Variants in TCTN1 observed in about 807,000 individuals in gnomAD.
TCTN1 encodes tectonic-1.
A neutral mutation model predicts 65.8 loss-of-function variants in TCTN1; 58 were observed. The ratio of observed to expected loss-of-function variants is 0.88; its 90% confidence interval spans 0.71 to 1.10. The LOEUF is 1.10. Ranked by LOEUF, TCTN1 falls within the 50% of genes least tolerant of loss-of-function variation. The probability of loss-of-function intolerance (pLI) is 0.00; values close to 1 mark genes in which losing one functional copy is unlikely to be tolerated. For missense variants in TCTN1, 645 were observed against 719.4 expected, an observed-to-expected ratio of 0.90 and a Z score of 1.18; for synonymous variants, 273 against 289.1, an observed-to-expected ratio of 0.94 and a Z score of 0.57.
intron 10 of TCTN1, 172 bp from the exon 11 acceptor site, chr12:110,642,077 A>T: frequency 1.3e-6 from 1 of 763,806 alleles, no homozygotes; most frequent in Non-Finnish European, 2.1e-6. Context: ...TCCATTTATT[A>T]AGGAAAATAG....
At position 110,649,342 on chromosome 12, in the gene TCTN1, G is replaced by T; in HGVS notation, c.*301G>T. Reference sequence around the variant, plus strand: ...CTCACCAAGCGGCCCAGGAGGGGCAGCTGTTCCTCTCGTGACAGCACAGGC... The same window carrying T: ...CTCACCAAGCGGCCCAGGAGGGGCATCTGTTCCTCTCGTGACAGCACAGGC... On this transcript the variant is annotated 3_prime_UTR_variant, in exon 15 of 15. Coordinates refer to ENST00000397659, the MANE Select transcript of TCTN1 (RefSeq NM_001082538.3). 7.6e-7 allele frequency: 1 copy of T among 1,313,786 alleles called. No individual in the cohort carries two copies. Among genetic ancestry groups the T allele is most frequent in the Non-Finnish European group, 1.1e-6 (1 of 918,272 alleles). 81.4% of individuals were successfully genotyped at this position (1,313,786 alleles called of 1,614,324 possible). A position where few individuals can be genotyped will look rare whatever the true frequency, so the allele number is the denominator to read the frequency against.
intron 7 of TCTN1, 26 bp downstream of exon 7, chr12:110,636,527 A>C: frequency 8.1e-7 from 1 of 1,236,920 alleles, no homozygotes. Context: ...TATTTTTGTA[A>C]TAGAAAGTAG....
At chr12:110,641,807 G>A in intron 10 of TCTN1, 180 bp downstream of exon 10, 2 of 621,490 alleles carry the variant, frequency 3.2e-6, no homozygotes, top group Non-Finnish European at 2.8e-6. Flanking sequence ...AGGTGGGCTG[G>A]GGGGAGACTG....
chr12:110,641,735 G>C, intron 10 of TCTN1, 108 bp downstream of exon 10: 1 of 1,179,768 alleles, frequency 8.5e-7, no homozygotes, highest in South Asian at 1.2e-5. Flanking sequence ...GGGAAGGAGA[G>C]AGCAGTCCAG....
At chr12:110,615,701 C>T (rs1029623240) in intron 1 of TCTN1, among the ~76,000 whole-genome samples, 23 of 152,116 alleles carry the variant, frequency 1.5e-4, no homozygotes, top group African/African-American at 5.6e-4. Context: ...TCAGGCTGAT[C>T]TCAAACTCCT....
chr12:110,647,625 T>C, intron 13 of TCTN1, 124 bp from the exon 14 acceptor site: 1 of 1,454,316 alleles, frequency 6.9e-7, no homozygotes, highest in East Asian at 2.3e-5. Flanking sequence ...CAATTAGTGC[T>C]CCAGGACCTA....
intron 1 of TCTN1, among the ~76,000 whole-genome samples, chr12:110,615,459 T>G (rs1203633275): frequency 6.6e-6 from 1 of 152,150 alleles, no homozygotes; most frequent in East Asian, 1.9e-4. Flanking sequence ...CCAATAGATA[T>G]GCAGTACTTT....
At chr12:110,647,075 TAG>T in intron 12 of TCTN1, 119 bp from the exon 13 acceptor site, 1 of 1,185,048 alleles carries the variant, frequency 8.4e-7, no homozygotes, top group Non-Finnish European at 1.2e-6. Context: ...TCTGAACTTG[TAG>T]AGTCTATTCA....
At chr12:110,645,848 C>G (rs888728298) in intron 12 of TCTN1, 1 of 152,994 alleles carries the variant, frequency 6.5e-6, no homozygotes, top group Admixed American at 6.5e-5. Context: ...TCTCATTATC[C>G]GCTCCGAATA....
intron 12 of TCTN1, 155 bp from the exon 13 acceptor site, chr12:110,647,041 C>T (rs929151767): frequency 2.0e-5 from 17 of 846,328 alleles, no homozygotes; most frequent in Non-Finnish European, 2.8e-5. Context: ...CTTTAAAACA[C>T]GTATATTCTC....
chr12:110,628,967 C>T, intron 4 of TCTN1, 49 bp downstream of exon 4: 2 of 1,607,202 alleles, frequency 1.2e-6, no homozygotes, highest in Non-Finnish European at 1.7e-6. Context: ...AAATATCTTT[C>T]CTTGTAAGTT....
intron 2 of TCTN1, among the ~76,000 whole-genome samples, chr12:110,624,211 T>C (rs2065662541): frequency 6.6e-6 from 1 of 151,434 alleles, no homozygotes; most frequent in African/African-American, 2.4e-5. Context: ...CGTGAGCCAC[T>C]GTGCCCAGCC....
At chr12:110,637,791 G>T (rs994252049) in intron 7 of TCTN1, among the ~76,000 whole-genome samples, 3 of 152,204 alleles carry the variant, frequency 2.0e-5, no homozygotes, top group Non-Finnish European at 4.4e-5. Flanking sequence ...AACTGGAACC[G>T]TCTGTGGGGG....
chr12:110,619,290 G>A (rs984987121), intron 1 of TCTN1, among the ~76,000 whole-genome samples: 2 of 152,114 alleles, frequency 1.3e-5, no homozygotes, highest in African/African-American at 4.8e-5. Context: ...CACCTGAGCC[G>A]GTATGATTCT....
At chr12:110,633,743 C>T (rs117252984) in intron 5 of TCTN1, among the ~76,000 whole-genome samples, 2,816 of 152,126 alleles carry the variant, frequency 0.019, 42 homozygotes, top group Non-Finnish European at 0.028. Context: ...ATTGGCAAAA[C>T]TCAAAAAAAC....
chr12:110,636,088 G>A (rs932829267), intron 6 of TCTN1: 3 of 224,512 alleles, frequency 1.3e-5, no homozygotes, highest in East Asian at 2.2e-4. Context: ...TGTGGAAATC[G>A]CCTGGGCAAG....
At chr12:110,646,897 G>A (rs1173765921) in intron 12 of TCTN1, 1 of 407,296 alleles carries the variant, frequency 2.5e-6, no homozygotes, top group South Asian at 2.2e-5. Context: ...AGTTAGAGCA[G>A]TTATGGCCCT....
intron 1 of TCTN1, among the ~76,000 whole-genome samples, chr12:110,618,832 A>G (rs1449264124): frequency 1.3e-5 from 2 of 152,116 alleles, no homozygotes; most frequent in East Asian, 3.8e-4. Context: ...AAATCCAGAT[A>G]ATCATCTTTG....
rs114557662 is a variant in TCTN1 at position 110,628,075 on chromosome 12, C to T, written c.473-692C>T. The T allele has an allele frequency of 1.9e-4, 288 of 1,535,962 alleles. 1 individual carries two copies. The African/African-American group carries it at 3.2e-3, about 17-fold the overall frequency. ...AGCACATTTTACTCCAGGACTTTCACGGTGGCTGTGTGAGAGTAGAAGTCG... is the reference window on the plus strand; with the variant it reads ...AGCACATTTTACTCCAGGACTTTCATGGTGGCTGTGTGAGAGTAGAAGTCG... On this transcript the variant is annotated intron_variant, in intron 3 of 14. Transcript: ENST00000397659.
Sources: gnomAD v4.1 joint callset for allele counts (sites outside exome capture counted in the v4.1 genomes callset) on GRCh38, gnomAD v4.1.1 for gene constraint, MANE v1.5 for transcripts, NCBI Gene and HGNC (gene_info 2026-07-23, HGNC 2026-07-21) for gene names.